AKAP13: variants seen among roughly 807,000 people sequenced by gnomAD.
AKAP13 encodes the protein A-kinase anchor protein 13.
AKAP13 carries 80 observed loss-of-function variants against 264.5 expected under a neutral mutation model. That is an observed-to-expected ratio of 0.30 (90% CI 0.25 to 0.36). The LOEUF is 0.36. AKAP13 is among the 10% of genes least tolerant of loss of function. The pLI is 1.00. For missense variants in AKAP13, 3,712 were observed against 3,435.2 expected, an observed-to-expected ratio of 1.08 and a Z score of -2.01; for synonymous variants, 1,380 against 1,250.2, an observed-to-expected ratio of 1.10 and a Z score of -2.19.
At position 85,741,491 on chromosome 15, in the gene AKAP13, G is replaced by A. The variant is rs2088959015; in HGVS notation, c.8054G>A (p.Cys2685Tyr). Residue 2685 changes from cysteine to tyrosine, a missense_variant, in exon 35 of 37, where the codon TGT (cysteine) becomes TAT (tyrosine). By Grantham distance (194) the Cys-to-Tyr change is radical. Around this residue, in one of 3 missense-constraint regions of AKAP13, gnomAD observed 611 missense variants for 539.3 expected, o/e 1.13. Coordinates refer to ENST00000394518, the MANE Select transcript of AKAP13 (RefSeq NM_007200.5). ...LSQRQTERDL[C>Y]QVSHPHTKLM... ...CAGCGGCAGACAGAACGGGACCTGT[G>A]TCAGGTAATGGGACTCCCTGCCGAG... The A allele has an allele frequency of 3.2e-6, 5 of 1,583,868 alleles. No individual in the cohort carries two copies. The highest frequency in any genetic ancestry group is 1.7e-5 in the Admixed American group (1 of 57,314).
intron 19 of AKAP13, among the ~76,000 whole-genome samples, chr15:85,715,178 T>C (rs780696913): frequency 2.0e-5 from 3 of 152,138 alleles, no homozygotes; most frequent in South Asian, 2.1e-4. Flanking sequence ...TAGCCTGTTA[T>C]ATACTTTGTT....
intron 18 of AKAP13, among the ~76,000 whole-genome samples, chr15:85,709,453 G>A (rs1381804618): frequency 6.6e-6 from 1 of 152,002 alleles, no homozygotes; most frequent in African/African-American, 2.4e-5. Context: ...CTTTAGACAG[G>A]ATATGCCAGT....
At chr15:85,683,045 T>G (rs879723187) in intron 15 of AKAP13, among the ~76,000 whole-genome samples, 4 of 152,252 alleles carry the variant, frequency 2.6e-5, no homozygotes, top group Non-Finnish European at 5.9e-5. Context: ...ATATTCTACT[T>G]GAAGTTTAAT....
intron 36 of AKAP13, 108 bp downstream of exon 36, chr15:85,743,933 C>T (rs1042021380): frequency 7.7e-7 from 1 of 1,294,518 alleles, no homozygotes; most frequent in Non-Finnish European, 1.0e-6. Flanking sequence ...AGTTCAGATG[C>T]TCAAAAGCCA....
chr15:85,521,118 T>C (rs1274433882), intron 2 of AKAP13, among the ~76,000 whole-genome samples: 4 of 152,218 alleles, frequency 2.6e-5, no homozygotes, highest in Admixed American at 2.6e-4. Flanking sequence ...GCCCCTCCCC[T>C]TTTTAACCCA....
At chr15:85,459,006 A>G (rs74024875) in intron 1 of AKAP13, among the ~76,000 whole-genome samples, 1,645 of 152,298 alleles carry the variant, frequency 0.011, 40 homozygotes, top group African/African-American at 0.034. Context: ...GTCATAAACT[A>G]TATCACTTTT....
chr15:85,493,093 T>C (rs1418121051), intron 2 of AKAP13, among the ~76,000 whole-genome samples: 3 of 152,226 alleles, frequency 2.0e-5, no homozygotes, highest in Non-Finnish European at 2.9e-5. Flanking sequence ...GCGAAAGGGC[T>C]AATGTCAACA....
chr15:85,631,002 GA>G (rs200406710), intron 8 of AKAP13, among the ~76,000 whole-genome samples: 36 of 145,138 alleles, frequency 2.5e-4, no homozygotes, highest in Non-Finnish European at 4.2e-4. Context: ...GTCAGAAAGT[GA>G]AAAAAAAAAC....
chr15:85,702,239 TCACA>T (rs3223062), intron 17 of AKAP13: 46,730 of 146,536 alleles, frequency 0.32, 7,383 homozygotes, highest in Admixed American at 0.44. Context: ...AGAGCAAGAC[TCACA>T]CACACACACA....
chr15:85,467,418 T>A (rs2074785248), intron 1 of AKAP13, among the ~76,000 whole-genome samples: 1 of 152,154 alleles, frequency 6.6e-6, no homozygotes, highest in Non-Finnish European at 1.5e-5. Context: ...TGGGCCACCA[T>A]TAATTGTTCC....
At chr15:85,682,677 T>C (rs2084660279) in intron 15 of AKAP13, among the ~76,000 whole-genome samples, 2 of 152,220 alleles carry the variant, frequency 1.3e-5, no homozygotes, top group African/African-American at 4.8e-5. Flanking sequence ...TTCTTTTTTT[T>C]TTCTTTTGAG....
chr15:85,411,357 A>T (rs142228212), intron 1 of AKAP13, among the ~76,000 whole-genome samples: 1 of 152,330 alleles, frequency 6.6e-6, no homozygotes, highest in East Asian at 1.9e-4. Context: ...GAAAAGGGAA[A>T]TATGCGCAAA....
chr15:85,644,590 C>T (rs2082463010), intron 9 of AKAP13, among the ~76,000 whole-genome samples: 1 of 148,466 alleles, frequency 6.7e-6, no homozygotes, highest in Non-Finnish European at 1.5e-5. Context: ...TGGCTCACAC[C>T]TGTAATCCCA....
At chr15:85,740,533 G>A (rs924136863) in intron 34 of AKAP13, 38 of 468,452 alleles carry the variant, frequency 8.1e-5, no homozygotes, top group Non-Finnish European at 1.4e-4. Context: ...CATGCATCTG[G>A]GAGATTACTT....
At chr15:85,559,916 G>C (rs888286843) in intron 5 of AKAP13, among the ~76,000 whole-genome samples, 1 of 151,988 alleles carries the variant, frequency 6.6e-6, no homozygotes, top group Admixed American at 6.6e-5. Context: ...AAGTCATCTG[G>C]GGGGTGAGAA....
chr15:85,547,019 G>A (rs112559488), intron 5 of AKAP13, among the ~76,000 whole-genome samples: 6,607 of 152,240 alleles, frequency 0.043, 480 homozygotes, highest in African/African-American at 0.15. Flanking sequence ...TGGGATTACA[G>A]GCGTGAGCCA....
chr15:85,636,915 C>G (rs1489198444), intron 8 of AKAP13, among the ~76,000 whole-genome samples: 1 of 152,144 alleles, frequency 6.6e-6, no homozygotes, highest in Non-Finnish European at 1.5e-5. Context: ...GCTCCCGGCC[C>G]CAAATTCTTT....
chr15:85,511,163 A>G (rs528522759), intron 2 of AKAP13, among the ~76,000 whole-genome samples: 1 of 152,250 alleles, frequency 6.6e-6, no homozygotes, highest in African/African-American at 2.4e-5. Context: ...AGACTTTTAT[A>G]TCCTTGCCTC....
intron 13 of AKAP13, among the ~76,000 whole-genome samples, chr15:85,667,276 CAAAT>C (rs970769160): frequency 2.0e-5 from 3 of 152,096 alleles, no homozygotes; most frequent in African/African-American, 4.8e-5. Context: ...TGAGACCAGA[CAAAT>C]AAAGAGATTT....
Sources: gnomAD v4.1 joint callset for allele counts (sites outside exome capture counted in the v4.1 genomes callset) on GRCh38, gnomAD v4.1.1 for gene constraint, gnomAD v4.1.1 regional missense constraint, MANE v1.5 for transcripts, NCBI Gene and HGNC (gene_info 2026-07-23, HGNC 2026-07-21) for gene names.